The following FBLN1 variants were observed in gnomAD, a reference collection of about 807,000 sequenced individuals.
FBLN1 encodes fibulin 1, also known as fibulin-1.
A neutral mutation model predicts 89.7 loss-of-function variants in FBLN1; 34 were observed. The observed-to-expected ratio is 0.38, with a 90% CI of 0.29 to 0.50. FBLN1 has a LOEUF of 0.50. Ranked by LOEUF, FBLN1 falls within the 20% of genes least tolerant of loss-of-function variation. The pLI is 0.92. For missense variants in FBLN1, 777 were observed against 988.1 expected (o/e 0.79, Z 2.86); for synonymous variants, 393 against 391.3 (o/e 1.00, Z -0.05).
intron 11 of FBLN1, among the ~76,000 whole-genome samples, chr22:45,546,191 G>C (rs1431317492): frequency 7.6e-6 from 1 of 130,880 alleles, no homozygotes; most frequent in African/African-American, 2.9e-5. Flanking sequence ...AAAAAAAAAA[G>C]AGTGAATGTG....
intron 14 of FBLN1, among the ~76,000 whole-genome samples, chr22:45,555,943 A>C (rs1231894968): frequency 6.6e-6 from 1 of 152,202 alleles, no homozygotes; most frequent in African/African-American, 2.4e-5. Context: ...AAATAAAATG[A>C]AGTCATTTTT....
At chr22:45,566,340 C>T (rs1320182585) in intron 14 of FBLN1, among the ~76,000 whole-genome samples, 4 of 152,130 alleles carry the variant, frequency 2.6e-5, no homozygotes, top group East Asian at 1.9e-4. Context: ...TGAGGGGTCC[C>T]GTTGCATTTT....
intron 14 of FBLN1, among the ~76,000 whole-genome samples, chr22:45,568,504 G>A (rs63318060): frequency 0.54 from 49,098 of 91,036 alleles, 14,726 homozygotes; most frequent in Middle Eastern, 0.66. Flanking sequence ...CTGTAGGGGA[G>A]TGCTCCTTCT....
intron 7 of FBLN1, among the ~76,000 whole-genome samples, chr22:45,534,463 T>C (rs1479982231): frequency 6.6e-6 from 1 of 152,218 alleles, no homozygotes; most frequent in East Asian, 1.9e-4. Flanking sequence ...CGCCAAGCCT[T>C]AGGTGTTATT....
chr22:45,594,486 A>C (rs2089166184), intron 16 of FBLN1, among the ~76,000 whole-genome samples: 1 of 152,194 alleles, frequency 6.6e-6, no homozygotes, highest in African/African-American at 2.4e-5. Context: ...TTTATTCCTC[A>C]AAACCCAATT....
intron 14 of FBLN1, chr22:45,564,896 G>A (rs2088888552): frequency 6.2e-7 from 1 of 1,613,898 alleles, no homozygotes; most frequent in Non-Finnish European, 8.5e-7. Context: ...AGAAATCCAA[G>A]AAGGGAAGGC....
rs562572495 is a variant in FBLN1 at position 45,536,538 on chromosome 22, G to T, written c.922+1201G>T. On this transcript the variant is annotated intron_variant, in intron 8 of 16. Coordinates refer to ENST00000327858, the MANE Select transcript of FBLN1 (RefSeq NM_006486.3). The surrounding 1 kb of genome is among the most constrained non-coding windows in gnomAD (Gnocchi z 5.1). ...CCAGCACTTTGGGAGGCCGAGGAGG[G>T]TGGATCACCTGAGGTCAGGAGTTTG... Among the ~76,000 whole-genome samples the T allele has an allele frequency of 1.3e-3, 197 of 152,300 alleles. No homozygotes were observed. The highest frequency in any genetic ancestry group is 4.6e-3 in the African/African-American group (193 of 41,570).
Position 45,550,995 on chromosome 22 carries a change from A to T in FBLN1, c.1697+380A>T, listed in dbSNP as rs566905289. Reference sequence around the variant, plus strand: ...CTCTGACTGAGATGCATAGGTAGCAATGTCTCCATGTCAGCCCAAAGCCAG... The same window carrying T: ...CTCTGACTGAGATGCATAGGTAGCATTGTCTCCATGTCAGCCCAAAGCCAG... On this transcript the variant is annotated intron_variant, in intron 14 of 16. Coordinates refer to ENST00000327858, the MANE Select transcript of FBLN1 (RefSeq NM_006486.3). The surrounding 1 kb of genome is among the most constrained non-coding windows in gnomAD (Gnocchi z 8.4). 6.0e-6 allele frequency: 2 copies of T among 335,272 alleles called. No homozygotes were observed. Among genetic ancestry groups the T allele is most frequent in the East Asian group, 1.5e-4 (2 of 13,726 alleles). 20.8% of individuals were successfully genotyped at this position (335,272 alleles called of 1,614,324 possible). A position where few individuals can be genotyped will look rare whatever the true frequency, so the allele number is the denominator to read the frequency against.
intron 7 of FBLN1, among the ~76,000 whole-genome samples, chr22:45,534,483 G>C (rs2088457467): frequency 6.6e-6 from 1 of 152,194 alleles, no homozygotes; most frequent in Non-Finnish European, 1.5e-5. Flanking sequence ...TTGGCAGATG[G>C]GGAGGCTCTG....
In FBLN1 at chr22:45,577,849, G is replaced by A. The variant is rs1004302486; in HGVS notation, c.1972+741G>A. 1.3e-5 allele frequency: 2 copies of A among 155,234 alleles called. No homozygotes were observed. The highest frequency in any genetic ancestry group is 4.8e-5 in the African/African-American group (2 of 41,440). 9.6% of individuals were successfully genotyped at this position (155,234 alleles called of 1,614,324 possible). On this transcript the variant is annotated intron_variant, in intron 16 of 16. Transcript: ENST00000327858. The surrounding 1 kb of genome is among the most constrained non-coding windows in gnomAD (Gnocchi z 6.6). Reference sequence around the variant, plus strand: ...AACGGGCTTTAATGACAACCTACTCGTGTGAAAAAATATCCAGGCCCACTC... The same window carrying A: ...AACGGGCTTTAATGACAACCTACTCATGTGAAAAAATATCCAGGCCCACTC...
chr22:45,541,029 T>C (rs1754929851), intron 8 of FBLN1, among the ~76,000 whole-genome samples, 200 bp from the exon 9 acceptor site: 1 of 151,750 alleles, frequency 6.6e-6, no homozygotes, highest in Non-Finnish European at 1.5e-5. Flanking sequence ...GCCAGAGAGG[T>C]GGTGTTTGAG....
chr22:45,585,219 A>G (rs1601539612), intron 16 of FBLN1, among the ~76,000 whole-genome samples: 1 of 152,202 alleles, frequency 6.6e-6, no homozygotes, highest in African/African-American at 2.4e-5. Flanking sequence ...TTTGCAGTAC[A>G]CAACCTGCTC....
At position 45,543,495 on chromosome 22, in the gene FBLN1, C is replaced by T. The variant is rs777982991; in HGVS notation, c.1290C>T (p.Phe430=). 8.1e-6 allele frequency: 13 copies of T among 1,613,776 alleles called. No individual in the cohort carries two copies. Among genetic ancestry groups the T allele is most frequent in the South Asian group, 4.4e-5 (4 of 91,056 alleles). ...ACCTCTGCAGCTGTTCCGTGGGCTT[C>T]CGGCTCTCTGTGGATGGCAGGTCAT... ...GSYLCSCSVG[F]RLSVDGRSCE... is the part of the protein sequence containing the mutation. The change falls in exon 11 of 17, where the codon TTC becomes TTT. Residue 430 remains phenylalanine, a synonymous_variant. Transcript: ENST00000327858.
intron 1 of FBLN1, among the ~76,000 whole-genome samples, chr22:45,503,942 T>G (rs2087983609): frequency 6.6e-6 from 1 of 152,072 alleles, no homozygotes; most frequent in Non-Finnish European, 1.5e-5. Context: ...GGTCCTCTGA[T>G]CAGAGCAGCT....
rs775921583 is a variant in FBLN1 at position 45,575,428 on chromosome 22, C to T, written c.1840+775C>T. 1.8e-4 allele frequency among the ~76,000 whole-genome samples: 28 copies of T among 152,108 alleles called. No homozygotes were observed. The highest frequency in any genetic ancestry group is 3.4e-4 in the Non-Finnish European group (23 of 68,000). On this transcript the variant is annotated intron_variant, in intron 15 of 16. Transcript: ENST00000327858. The surrounding 1 kb of genome is among the most constrained non-coding windows in gnomAD (Gnocchi z 6.3). ...ACTGAGCCAAGGTTTTCTGCTGGAG[C>T]GCTAGAGGCTTGGCAAGAGGTGGGC...
At chr22:45,546,471 C>T (rs930765444) in intron 11 of FBLN1, among the ~76,000 whole-genome samples, 1 of 152,244 alleles carries the variant, frequency 6.6e-6, no homozygotes, top group Non-Finnish European at 1.5e-5. Flanking sequence ...ACCTCGGCCT[C>T]CCGAAGTGCT....
rs1340211003 is a variant in FBLN1 at position 45,527,818 on chromosome 22, C to G, written c.322-29C>G. On this transcript the variant is annotated intron_variant, in intron 3 of 16. Transcript: ENST00000327858. ...CCCGCTGGGCTGTCTGCCCGCTCCT[C>G]CATCTGGGATCTCCACCTGTGTTTG... is the stretch of plus-strand genomic sequence containing the variant. The G allele has an allele frequency of 3.1e-6, 5 of 1,612,760 alleles. No individual in the cohort carries two copies. The African/African-American group carries it at 4.0e-5, about 13-fold the overall frequency.
At chr22:45,594,063 G>A (rs778855502) in intron 16 of FBLN1, among the ~76,000 whole-genome samples, 2 of 152,140 alleles carry the variant, frequency 1.3e-5, no homozygotes, top group Non-Finnish European at 2.9e-5. Context: ...CATTCCAGCT[G>A]GTCCCAGTGT....
chr22:45,576,061 T>A lies in FBLN1; in HGVS notation c.1841-916T>A, dbSNP rs898456693. 2.6e-5 allele frequency among the ~76,000 whole-genome samples: 4 copies of A among 151,966 alleles called. No homozygotes were observed. Among genetic ancestry groups the A allele is most frequent in the African/African-American group, 9.7e-5 (4 of 41,336 alleles). ...GCGGGGGGGTGGGGGGAGGAGAGGCTCCCTCAGCACGTGGTTGCCCAAGGA... is the reference window on the plus strand; with the variant it reads ...GCGGGGGGGTGGGGGGAGGAGAGGCACCCTCAGCACGTGGTTGCCCAAGGA... On this transcript the variant is annotated intron_variant, in intron 15 of 16. Transcript: ENST00000327858. The surrounding 1 kb of genome is among the most constrained non-coding windows in gnomAD (Gnocchi z 5.2).
Sources: gnomAD v4.1 joint callset for allele counts (sites outside exome capture counted in the v4.1 genomes callset) on GRCh38, gnomAD v4.1.1 for gene constraint, Gnocchi (gnomAD v3.1) non-coding constraint, MANE v1.5 for transcripts, NCBI Gene and HGNC (gene_info 2026-07-23, HGNC 2026-07-21) for gene names.